Variants in GSG1L observed in about 807,000 individuals in gnomAD.
GSG1L encodes the protein germ cell-specific gene 1-like protein.
Under a neutral mutation model 42.1 loss-of-function variants are expected in GSG1L, and 24 were observed. That is an observed-to-expected ratio of 0.57 (90% confidence interval 0.41 to 0.80). GSG1L has a LOEUF of 0.80. GSG1L is among the 30% of genes least tolerant of loss of function. GSG1L has a pLI of 0.00. For synonymous variants in GSG1L, 215 were observed against 203.5 expected (o/e 1.06, Z -0.48); for missense variants, 445 against 472.2 (o/e 0.94, Z 0.53).
intron 1 of GSG1L, among the ~76,000 whole-genome samples, chr16:28,029,241 A>G (rs140473249): frequency 1.3e-3 from 198 of 152,326 alleles, no homozygotes; most frequent in Non-Finnish European, 2.4e-3. Flanking sequence ...AAAGAACTGA[A>G]TGAATGTGAA....
intron 2 of GSG1L, among the ~76,000 whole-genome samples, chr16:27,889,109 T>C (rs1277266754): frequency 6.6e-6 from 1 of 151,700 alleles, no homozygotes; most frequent in East Asian, 2.0e-4. Context: ...TCAGCCTCCG[T>C]AGTAGTTGTG....
intron 3 of GSG1L, among the ~76,000 whole-genome samples, chr16:27,876,644 G>A (rs754008163): frequency 9.8e-5 from 15 of 152,286 alleles, no homozygotes; most frequent in Non-Finnish European, 2.1e-4. Context: ...CCTAGTTCCC[G>A]AGGATGTGAG....
At chr16:27,808,236 T>C (rs1044720501) in intron 5 of GSG1L, among the ~76,000 whole-genome samples, 1 of 152,110 alleles carries the variant, frequency 6.6e-6, no homozygotes, top group Non-Finnish European at 1.5e-5. Flanking sequence ...CAAGTGTGTG[T>C]TACCACATCC....
intron 1 of GSG1L, among the ~76,000 whole-genome samples, chr16:28,021,446 G>T (rs2141166079): frequency 6.6e-6 from 1 of 152,232 alleles, no homozygotes; most frequent in South Asian, 2.1e-4. Context: ...AAAGACATTT[G>T]GTTCGTGTTC....
At chr16:27,943,566 C>CTTTTTTTTTTTT (rs11385465) in intron 2 of GSG1L, among the ~76,000 whole-genome samples, 3 of 67,720 alleles carry the variant, frequency 4.4e-5, no homozygotes, top group Non-Finnish European at 7.7e-5. Context: ...TTCTTTGTTT[C>CTTTTTTTTTTTT]TTTTTTTTTT....
chr16:28,061,944 C>T (rs1052320865), intron 1 of GSG1L, among the ~76,000 whole-genome samples: 2 of 152,218 alleles, frequency 1.3e-5, no homozygotes, highest in Non-Finnish European at 1.5e-5. Flanking sequence ...TCACAGCTTC[C>T]TCCCTCTGCC....
chr16:27,858,467 C>T (rs2083606123), intron 3 of GSG1L, among the ~76,000 whole-genome samples: 1 of 152,194 alleles, frequency 6.6e-6, no homozygotes, highest in Non-Finnish European at 1.5e-5. Flanking sequence ...ACTCCAAGTC[C>T]AGGTGTTTTA....
chr16:27,967,453 C>T (rs2085148094), intron 1 of GSG1L, among the ~76,000 whole-genome samples: 1 of 152,170 alleles, frequency 6.6e-6, no homozygotes, highest in African/African-American at 2.4e-5. Context: ...TTCCCCTGCC[C>T]CCGCCTTGTG....
At chr16:27,845,678 A>AT (rs1200496687) in intron 3 of GSG1L, among the ~76,000 whole-genome samples, 1 of 152,194 alleles carries the variant, frequency 6.6e-6, no homozygotes, top group Non-Finnish European at 1.5e-5. Context: ...TAATGGGAGA[A>AT]TGGGGACCCC....
intron 2 of GSG1L, among the ~76,000 whole-genome samples, chr16:27,928,512 GAAAAGAAAAC>G (rs1281496664): frequency 1.8e-5 from 2 of 113,922 alleles, no homozygotes; most frequent in Admixed American, 1.0e-4. Flanking sequence ...GGAAAGAAAA[GAAAAGAAAAC>G]AAAACAAAAC....
chr16:28,008,406 C>T (rs2085670877), intron 1 of GSG1L, among the ~76,000 whole-genome samples: 2 of 152,108 alleles, frequency 1.3e-5, no homozygotes, highest in African/African-American at 4.8e-5. Context: ...TTGCTGGCTC[C>T]AGGTCTCTTC....
At chr16:27,874,760 G>A (rs12596480) in intron 3 of GSG1L, among the ~76,000 whole-genome samples, 20,718 of 152,062 alleles carry the variant, frequency 0.14, 1,594 homozygotes, top group Admixed American at 0.21. Context: ...GTCTTGATCT[G>A]TATTCTTTAT....
At chr16:27,876,527 T>A (rs1304001614) in intron 3 of GSG1L, among the ~76,000 whole-genome samples, 1 of 152,222 alleles carries the variant, frequency 6.6e-6, no homozygotes, top group African/African-American at 2.4e-5. Context: ...ACAGATGAGA[T>A]CGTAAGGCAA....
chr16:27,912,658 C>CT (rs1333741217), intron 2 of GSG1L, among the ~76,000 whole-genome samples: 1 of 152,192 alleles, frequency 6.6e-6, no homozygotes, highest in African/African-American at 2.4e-5. Context: ...GGGAGTGGCT[C>CT]CACAGATTGA....
chr16:27,949,730 C>T (rs1210295321), intron 2 of GSG1L, among the ~76,000 whole-genome samples: 2 of 152,082 alleles, frequency 1.3e-5, no homozygotes, highest in East Asian at 3.9e-4. Context: ...TCGAGACCAT[C>T]CTGGCTAACA....
At chr16:27,794,968 G>A (rs1178407280) in intron 6 of GSG1L, among the ~76,000 whole-genome samples, 2 of 152,018 alleles carry the variant, frequency 1.3e-5, no homozygotes, top group African/African-American at 4.8e-5. Flanking sequence ...GGAAAATGGA[G>A]GCTTTGCTCC....
chr16:27,914,472 C>A (rs139124712), intron 2 of GSG1L, among the ~76,000 whole-genome samples: 1 of 152,054 alleles, frequency 6.6e-6, no homozygotes, highest in Admixed American at 6.6e-5. Flanking sequence ...GAGGATACAG[C>A]CTCCCAGAGC....
At chr16:27,807,402 CT>C (rs763961180) in intron 6 of GSG1L, 84 bp downstream of exon 6, 31 of 1,107,276 alleles carry the variant, frequency 2.8e-5, no homozygotes, top group Non-Finnish European at 3.7e-5. Context: ...GGGGTGGGGG[CT>C]GGCCTGACTC....
Position 27,901,398 on chromosome 16 carries a change from G to T in GSG1L, c.398-16760C>A, listed in dbSNP as rs563424904. 2.6e-5 allele frequency among the ~76,000 whole-genome samples: 4 copies of T among 152,302 alleles called. No individual in the cohort carries two copies. The East Asian group carries it at 7.7e-4, about 29-fold the overall frequency. ...GGAAGATGCCAATGGCCAGTGACAG[G>T]CTAGTGAGAGTTAACGTGATCCTGC... On this transcript the variant is annotated intron_variant, in intron 2 of 6. Transcript: ENST00000447459.
Sources: gnomAD v4.1 joint callset for allele counts (sites outside exome capture counted in the v4.1 genomes callset) on GRCh38, gnomAD v4.1.1 for gene constraint, MANE v1.5 for transcripts, NCBI Gene and HGNC (gene_info 2026-07-23, HGNC 2026-07-21) for gene names.